Variants in LRRTM3 observed in about 807,000 individuals in gnomAD.
The protein encoded by LRRTM3 is leucine rich repeat transmembrane neuronal 3, also known as leucine-rich repeat transmembrane neuronal protein 3.
In LRRTM3, 24 loss-of-function variants were observed where a neutral mutation model predicts 44.7. The ratio of observed to expected loss-of-function variants is 0.54; its 90% CI spans 0.39 to 0.76. The LOEUF is 0.76. Ranked by LOEUF, LRRTM3 falls within the 30% of genes least tolerant of loss-of-function variation. The pLI, the probability that LRRTM3 is intolerant of heterozygous loss-of-function variation, is 0.00. For synonymous variants in LRRTM3, 277 were observed against 278.7 expected, an observed-to-expected ratio of 0.99 and a Z score of 0.06; for missense variants, 587 against 702.2, an observed-to-expected ratio of 0.84 and a Z score of 1.85.
chr10:67,042,047 C>G (rs561727605), intron 2 of LRRTM3, among the ~76,000 whole-genome samples: 8 of 151,938 alleles, frequency 5.3e-5, no homozygotes, highest in African/African-American at 1.9e-4. Flanking sequence ...AGAGCTGAGG[C>G]TGAGAGACAA....
At chr10:66,999,439 T>C (rs1323977983) in intron 2 of LRRTM3, among the ~76,000 whole-genome samples, 1 of 152,168 alleles carries the variant, frequency 6.6e-6, no homozygotes, top group African/African-American at 2.4e-5. Flanking sequence ...CATCAATTTG[T>C]ATTACACAGA....
intron 2 of LRRTM3, among the ~76,000 whole-genome samples, chr10:66,957,199 T>TC: frequency 6.6e-6 from 1 of 152,124 alleles, no homozygotes; most frequent in South Asian, 2.1e-4. Context: ...TTATCAAAGA[T>TC]ATCTCCCACA....
At chr10:67,084,333 C>T (rs1857195179) in intron 2 of LRRTM3, among the ~76,000 whole-genome samples, 1 of 151,998 alleles carries the variant, frequency 6.6e-6, no homozygotes, top group East Asian at 1.9e-4. Context: ...AAAGATGCTC[C>T]TGTTGGGCAA....
chr10:66,928,190 T>C lies in LRRTM3; in HGVS notation c.1274T>C (p.Val425Ala). ...TTCCATAAAATCATCGCGGGCAGCG[T>C]GGCGCTTTTCCTGTCCGTGCTCGTC... ...ISFHKIIAGS[V>A]ALFLSVLVIL... The change falls in exon 2 of 3, where the codon GTG becomes GCG. Residue 425 changes from valine to alanine, a missense_variant. Val to Ala is a moderately conservative substitution (Grantham distance 64, BLOSUM62 0). Coordinates refer to ENST00000361320, the MANE Select transcript of LRRTM3 (RefSeq NM_178011.5). 6.2e-7 allele frequency: 1 copy of C among 1,614,046 alleles called. No homozygotes were observed. Among genetic ancestry groups the C allele is most frequent in the Non-Finnish European group, 8.5e-7 (1 of 1,180,032 alleles).
At chr10:67,021,522 C>A (rs1201756327) in intron 2 of LRRTM3, among the ~76,000 whole-genome samples, 1 of 151,774 alleles carries the variant, frequency 6.6e-6, no homozygotes, top group African/African-American at 2.4e-5. Context: ...AGATGTCTAA[C>A]AAAAATTACA....
Position 66,927,990 on chromosome 10 carries a change from C to T in LRRTM3, c.1074C>T (p.Tyr358=). ...ATGTGATCGATGCAGTGAAGAACTA[C>T]AGCATCTGTGGCAAAAGTACTACAG... The part of the protein sequence containing the change: ...GVNVIDAVKN[Y]SICGKSTTER... The change falls in exon 2 of 3, where the codon TAC becomes TAT. Residue 358 remains tyrosine, a synonymous_variant. Transcript: ENST00000361320. This position sits in a 1 kb window ranked among gnomAD's most constrained non-coding sequence, Gnocchi z 4.7. The T allele has an allele frequency of 1.9e-6, 3 of 1,614,222 alleles. No homozygotes were observed. The highest frequency in any genetic ancestry group is 1.7e-6 in the Non-Finnish European group (2 of 1,180,046).
chr10:66,990,103 G>C (rs978497748), intron 2 of LRRTM3, among the ~76,000 whole-genome samples: 44 of 152,148 alleles, frequency 2.9e-4, no homozygotes, highest in African/African-American at 1.0e-3. Flanking sequence ...TTTTCTTTAA[G>C]AGTTTATACT....
intron 2 of LRRTM3, among the ~76,000 whole-genome samples, chr10:66,961,202 T>C (rs1412807571): frequency 1.3e-5 from 2 of 152,184 alleles, no homozygotes; most frequent in East Asian, 3.8e-4. Flanking sequence ...TAGTCTATTA[T>C]GACAATATTG....
intron 2 of LRRTM3, among the ~76,000 whole-genome samples, chr10:66,967,328 A>G (rs1237439177): frequency 7.0e-6 from 1 of 143,478 alleles, no homozygotes; most frequent in African/African-American, 2.5e-5. Flanking sequence ...AGATATGGAT[A>G]TAGACATATA....
chr10:66,984,610 C>G (rs946602532), intron 2 of LRRTM3, among the ~76,000 whole-genome samples: 2 of 152,080 alleles, frequency 1.3e-5, no homozygotes, highest in Non-Finnish European at 2.9e-5. Context: ...TTCATGATTC[C>G]TTTTAATATT....
intron 2 of LRRTM3, among the ~76,000 whole-genome samples, chr10:67,042,944 C>A (rs1854498722): frequency 1.3e-5 from 2 of 151,900 alleles, no homozygotes; most frequent in Non-Finnish European, 2.9e-5. Flanking sequence ...AAAAGAGGAG[C>A]CAAATAAGTG....
At chr10:67,021,727 C>A (rs191114667) in intron 2 of LRRTM3, among the ~76,000 whole-genome samples, 1 of 152,090 alleles carries the variant, frequency 6.6e-6, no homozygotes, top group Non-Finnish European at 1.5e-5. Flanking sequence ...AAAATTTCCT[C>A]TTAAGATTTC....
At position 66,926,433 on chromosome 10, in the gene LRRTM3, C is replaced by T. The variant is rs1564771128; in HGVS notation, c.-151C>T. The T allele has an allele frequency of 1.3e-6, 1 of 767,018 alleles. No individual in the cohort carries two copies. Among genetic ancestry groups the T allele is most frequent in the African/African-American group, 1.8e-5 (1 of 57,110 alleles). The allele number at this position is 767,018 out of a possible 1,614,324, so 47.5% of individuals were successfully genotyped here. ...GCGTGGCTGGCAAAGAATAATGTTC[C>T]AAAATCGGTCCATCTCCCAAGGGGT... is the stretch of plus-strand genomic sequence containing the variant. On this transcript the variant is annotated 5_prime_UTR_variant, in exon 1 of 3. The change creates a premature stop within an existing upstream ORF in the 5' untranslated region. Transcript: ENST00000361320.
intron 2 of LRRTM3, among the ~76,000 whole-genome samples, chr10:67,011,769 T>C (rs973761007): frequency 6.6e-6 from 1 of 152,114 alleles, no homozygotes; most frequent in African/African-American, 2.4e-5. Context: ...AGGAGGTAGG[T>C]ATTATCATCA....
rs752061648 is a variant in LRRTM3, at chr10:67,097,626, G to A, written c.1576G>A (p.Asp526Asn). The change falls in exon 3 of 3, where the codon GAC becomes AAC. Residue 526 changes from aspartate to asparagine, a missense_variant. Asp to Asn is a conservative substitution (Grantham distance 23, BLOSUM62 1). Around this residue, in one of 3 missense-constraint regions of LRRTM3, gnomAD observed 315 missense variants for 335.6 expected, o/e 0.94. Coordinates refer to ENST00000361320, the MANE Select transcript of LRRTM3 (RefSeq NM_178011.5). Reference protein sequence around the residue: ...SMNVSTFLAYDQPTISYCGVH... With the variant: ...SMNVSTFLAYNQPTISYCGVH... ...GAATGTGTCAACCTTTCTGGCATAC[G>A]ACCAGCCCACAATAAGTTACTGTGG... The A allele has an allele frequency of 5.6e-6, 9 of 1,612,198 alleles. No individual in the cohort carries two copies. Among genetic ancestry groups the A allele is most frequent in the South Asian group, 4.4e-5 (4 of 91,006 alleles).
intron 2 of LRRTM3, among the ~76,000 whole-genome samples, chr10:66,944,571 C>A (rs1276683744): frequency 2.6e-5 from 4 of 152,072 alleles, no homozygotes; most frequent in Non-Finnish European, 5.9e-5. Context: ...GTGACTCTTA[C>A]CTTAAAGGTT....
At chr10:66,957,845 G>C (rs1421603760) in intron 2 of LRRTM3, among the ~76,000 whole-genome samples, 2 of 151,980 alleles carry the variant, frequency 1.3e-5, no homozygotes, top group African/African-American at 4.8e-5. Context: ...AGCTAGGCCT[G>C]AAGGGAGCCA....
At chr10:67,039,729 C>A (rs1854279645) in intron 2 of LRRTM3, among the ~76,000 whole-genome samples, 1 of 152,072 alleles carries the variant, frequency 6.6e-6, no homozygotes, top group Non-Finnish European at 1.5e-5. Context: ...AAAAATGCAC[C>A]TGCAAAATCG....
chr10:67,069,077 T>C (rs1856274861), intron 2 of LRRTM3, among the ~76,000 whole-genome samples: 3 of 151,482 alleles, frequency 2.0e-5, no homozygotes, highest in South Asian at 4.2e-4. Context: ...TAAAAATATA[T>C]ATGAAAGAAA....
Sources: gnomAD v4.1 joint callset for allele counts (sites outside exome capture counted in the v4.1 genomes callset) on GRCh38, gnomAD v4.1.1 for gene constraint, gnomAD v4.1.1 regional missense constraint, Gnocchi (gnomAD v3.1) non-coding constraint, MANE v1.5 for transcripts, NCBI Gene and HGNC (gene_info 2026-07-23, HGNC 2026-07-21) for gene names.